The following CADM2 variants were observed in gnomAD, a reference collection of about 807,000 sequenced individuals.
The protein encoded by CADM2 is cell adhesion molecule 2.
CADM2 carries 12 observed loss-of-function variants against 49.8 expected under a neutral mutation model. That is an observed-to-expected ratio of 0.24 (90% CI 0.15 to 0.39). The LOEUF (loss-of-function observed/expected upper bound fraction) is 0.39. Ranked by LOEUF, CADM2 falls within the 10% of genes least tolerant of loss-of-function variation. The probability of loss-of-function intolerance (pLI) is 1.00; values close to 1 mark genes in which losing one functional copy is unlikely to be tolerated. For synonymous variants in CADM2, 214 were observed against 175.4 expected, an observed-to-expected ratio of 1.22 and a Z score of -1.74; for missense variants, 378 against 492.3, an observed-to-expected ratio of 0.77 and a Z score of 2.20.
chr3:85,741,173 C>G (rs2068367342), intron 2 of CADM2, among the ~76,000 whole-genome samples: 1 of 152,108 alleles, frequency 6.6e-6, no homozygotes, highest in South Asian at 2.1e-4. Flanking sequence ...TTTAGCTAAG[C>G]ATCTGAGATG....
At chr3:85,341,268 A>C (rs1173033282) in intron 1 of CADM2, among the ~76,000 whole-genome samples, 1 of 151,914 alleles carries the variant, frequency 6.6e-6, no homozygotes, top group Non-Finnish European at 1.5e-5. Flanking sequence ...TATTGAACTA[A>C]AGAGAGAAAT....
intron 1 of CADM2, among the ~76,000 whole-genome samples, chr3:85,372,070 T>G (rs1409893056): frequency 1.3e-5 from 2 of 151,974 alleles, no homozygotes; most frequent in Non-Finnish European, 2.9e-5. Context: ...GCTGACTTTA[T>G]TACATCGGTG....
At chr3:85,831,599 A>G (rs1220106535) in intron 3 of CADM2, among the ~76,000 whole-genome samples, 1 of 151,932 alleles carries the variant, frequency 6.6e-6, no homozygotes, top group Non-Finnish European at 1.5e-5. Context: ...AAAGCATTTT[A>G]AAATATATTT....
At chr3:85,586,599 A>C (rs1246994282) in intron 1 of CADM2, among the ~76,000 whole-genome samples, 1 of 152,130 alleles carries the variant, frequency 6.6e-6, no homozygotes, top group Non-Finnish European at 1.5e-5. Context: ...GGGAGCCCAA[A>C]TATCAGTTAA....
chr3:85,701,884 GATAGA>G (rs2066768886), intron 1 of CADM2, among the ~76,000 whole-genome samples: 1 of 150,766 alleles, frequency 6.6e-6, no homozygotes, highest in Admixed American at 6.6e-5. Flanking sequence ...TAGATAGATA[GATAGA>G]TAGATAGATA....
chr3:85,907,643 G>T (rs1302379626), intron 5 of CADM2, among the ~76,000 whole-genome samples: 1 of 152,102 alleles, frequency 6.6e-6, no homozygotes, highest in Admixed American at 6.5e-5. Context: ...GGACACGGTG[G>T]CTCACACCTA....
chr3:85,929,398 A>C (rs903704503), intron 6 of CADM2, among the ~76,000 whole-genome samples: 37 of 152,086 alleles, frequency 2.4e-4, no homozygotes, highest in South Asian at 1.0e-3. Context: ...AAACATATTC[A>C]CAGAAAAAAT....
intron 1 of CADM2, among the ~76,000 whole-genome samples, chr3:85,107,759 G>A (rs1032116460): frequency 4.9e-5 from 7 of 142,594 alleles, no homozygotes; most frequent in African/African-American, 1.3e-4. Context: ...GAGTACAATG[G>A]CATGATCTCA....
At chr3:85,160,044 G>A (rs1237320396) in intron 1 of CADM2, among the ~76,000 whole-genome samples, 6 of 152,026 alleles carry the variant, frequency 3.9e-5, no homozygotes, top group African/African-American at 1.4e-4. Context: ...ATACAAATAG[G>A]TGCATACATA....
rs1739556320 is a variant in CADM2 at position 86,068,422 on chromosome 3, A to G, written c.*1639A>G. On this transcript the variant is annotated 3_prime_UTR_variant, in exon 10 of 10. Transcript: ENST00000383699. ...CATTTACAAGCATTGCACCTTTAAG[A>G]AGAAAACAAATATGACAGTATGGTA... 2 of 151,976 alleles carry G rather than the reference A, an allele frequency of 1.3e-5. No individual in the cohort carries two copies. Among genetic ancestry groups the G allele is most frequent in the Admixed American group, 1.3e-4 (2 of 15,244 alleles). The allele number at this position is 151,976 out of a possible 1,614,324, so 9.4% of individuals were successfully genotyped here. A position where few individuals can be genotyped will look rare whatever the true frequency, so the allele number is the denominator to read the frequency against.
chr3:85,052,293 G>T (rs1327476961), intron 1 of CADM2, among the ~76,000 whole-genome samples: 1 of 152,068 alleles, frequency 6.6e-6, no homozygotes, highest in African/African-American at 2.4e-5. Flanking sequence ...ACATGGATTA[G>T]GCTACAGCAA....
At chr3:85,600,311 A>G (rs1206156478) in intron 1 of CADM2, among the ~76,000 whole-genome samples, 4 of 151,968 alleles carry the variant, frequency 2.6e-5, no homozygotes, top group Non-Finnish European at 5.9e-5. Context: ...AAGAGATTCA[A>G]TGAAGCACCT....
At chr3:85,904,709 G>A (rs184067283) in intron 5 of CADM2, among the ~76,000 whole-genome samples, 10 of 152,254 alleles carry the variant, frequency 6.6e-5, no homozygotes, top group Non-Finnish European at 1.0e-4. Flanking sequence ...TTAGCATGAT[G>A]TTCAGGAGTT....
At chr3:85,720,537 C>T (rs1577159386) in intron 1 of CADM2, among the ~76,000 whole-genome samples, 1 of 152,102 alleles carries the variant, frequency 6.6e-6, no homozygotes. Context: ...CTTTCTAAAA[C>T]ATTTTAAACC....
At chr3:85,243,837 G>T (rs533262493) in intron 1 of CADM2, among the ~76,000 whole-genome samples, 1 of 152,042 alleles carries the variant, frequency 6.6e-6, no homozygotes, top group East Asian at 1.9e-4. Flanking sequence ...GTTACTGTCA[G>T]GACAAAATTC....
chr3:85,366,230 A>G (rs2032774012), intron 1 of CADM2, among the ~76,000 whole-genome samples: 1 of 152,198 alleles, frequency 6.6e-6, no homozygotes, highest in African/African-American at 2.4e-5. Flanking sequence ...ATGGAAAAAT[A>G]CCTTAAATAA....
chr3:85,079,956 A>C (rs2107497705), intron 1 of CADM2, among the ~76,000 whole-genome samples: 1 of 152,050 alleles, frequency 6.6e-6, no homozygotes, highest in Non-Finnish European at 1.5e-5. Context: ...ACTCTTTGAT[A>C]CACTATTGGA....
intron 1 of CADM2, among the ~76,000 whole-genome samples, chr3:85,062,906 T>C (rs952366329): frequency 8.6e-5 from 13 of 151,398 alleles, no homozygotes; most frequent in Non-Finnish European, 1.5e-4. Context: ...TTTCATTTGC[T>C]GTGAATCAAT....
At chr3:85,822,057 T>A (rs1303309362) in intron 3 of CADM2, among the ~76,000 whole-genome samples, 1 of 152,180 alleles carries the variant, frequency 6.6e-6, no homozygotes, top group Non-Finnish European at 1.5e-5. Context: ...ATCATATACA[T>A]CAAATATTTA....
Sources: allele counts gnomAD v4.1 joint callset (sites outside exome capture counted in the v4.1 genomes callset), GRCh38; gene constraint gnomAD v4.1.1; transcripts MANE v1.5; gene names NCBI Gene and HGNC (gene_info 2026-07-23, HGNC 2026-07-21).